Variants in PLXNA4 observed in about 807,000 individuals in gnomAD.
The protein encoded by PLXNA4 is plexin-A4.
In PLXNA4, 44 loss-of-function variants were observed where a neutral mutation model predicts 191.8. The observed-to-expected ratio is 0.23, with a 90% CI of 0.18 to 0.29. The LOEUF (loss-of-function observed/expected upper bound fraction) is 0.29, where lower values mean the gene tolerates loss of function less well. Among genes scored for constraint, PLXNA4 ranks in the 10% least tolerant of loss-of-function variants. The pLI, the probability that PLXNA4 is intolerant of heterozygous loss-of-function variation, is 1.00. For synonymous variants in PLXNA4, 1,082 were observed against 1,009.5 expected, an observed-to-expected ratio of 1.07 and a Z score of -1.36; for missense variants, 1,800 against 2,488.8, an observed-to-expected ratio of 0.72 and a Z score of 5.89.
Position 132,292,366 on chromosome 7 carries a change from A to AGCC in PLXNA4, c.1503+5722_1503+5724dup, listed in dbSNP as rs749385339. Among the ~76,000 whole-genome samples the AGCC allele has an allele frequency of 1.6e-4, 24 of 152,316 alleles. No homozygotes were observed. In the South Asian group the frequency reaches 3.3e-3, roughly 21 times the overall value. On this transcript the variant is annotated intron_variant, in intron 4 of 31. Coordinates refer to ENST00000321063, the MANE Select transcript of PLXNA4 (RefSeq NM_020911.2). Reference sequence around the variant, plus strand: ...TGAAAGAGTGTTTAGAAGAGAGAGCAGCCCCTGCCCACCAAATGGTAAAGA... The same window carrying AGCC: ...TGAAAGAGTGTTTAGAAGAGAGAGCAGCCGCCCCTGCCCACCAAATGGTAAAGA...
intron 4 of PLXNA4, among the ~76,000 whole-genome samples, chr7:132,269,747 T>C (rs988141634): frequency 2.0e-5 from 3 of 152,152 alleles, no homozygotes; most frequent in Non-Finnish European, 4.4e-5. Context: ...TTTCTGGGAA[T>C]GTGGCTTCAT....
rs1585269267 is a variant in PLXNA4, at chr7:132,522,629, A to G, written c.-86-13850T>C. 2.6e-5 allele frequency among the ~76,000 whole-genome samples: 4 copies of G among 152,292 alleles called. No homozygotes were observed. The South Asian group carries it at 8.3e-4, about 32-fold the overall frequency. On this transcript the variant is annotated intron_variant, in intron 1 of 31. Transcript: ENST00000321063. ...TCTACAAAAAATACAAAAATTAGCC[A>G]GGCATGGTGGCACATACCTGCATTT...
chr7:132,437,947 A>T (rs1191340370), intron 3 of PLXNA4, among the ~76,000 whole-genome samples: 1 of 152,170 alleles, frequency 6.6e-6, no homozygotes, highest in East Asian at 1.9e-4. Context: ...TTGAGCCAAG[A>T]TTACGCCCAT....
chr7:132,278,549 C>A (rs193134485), intron 4 of PLXNA4, among the ~76,000 whole-genome samples: 2 of 152,298 alleles, frequency 1.3e-5, no homozygotes, highest in African/African-American at 2.4e-5. Flanking sequence ...TCAGTCAATG[C>A]CAACTAGTTA....
chr7:132,538,202 T>C (rs1472899826), intron 1 of PLXNA4, among the ~76,000 whole-genome samples: 1 of 152,160 alleles, frequency 6.6e-6, no homozygotes, highest in Non-Finnish European at 1.5e-5. Context: ...CTTCCTCTCA[T>C]GAGCCCAGAG....
chr7:132,484,697 T>C, intron 3 of PLXNA4: 1 of 1,472,162 alleles, frequency 6.8e-7, no homozygotes, highest in South Asian at 1.3e-5. Flanking sequence ...TCCTAGTCTA[T>C]TTGGTGTTCC....
upstream of PLXNA4, among the ~76,000 whole-genome samples, chr7:132,577,532 G>C (rs1802306558): frequency 6.6e-6 from 1 of 151,864 alleles, no homozygotes; most frequent in Non-Finnish European, 1.5e-5. Context: ...GCCGGCAGAG[G>C]GGGCAGGGGG....
At chr7:132,130,800 GCA>G (rs1390439768) in intron 31 of PLXNA4, among the ~76,000 whole-genome samples, 2 of 152,192 alleles carry the variant, frequency 1.3e-5, no homozygotes, top group Middle Eastern at 3.2e-3. Flanking sequence ...CAGGATGCCA[GCA>G]CACACAGTCA....
intron 3 of PLXNA4, among the ~76,000 whole-genome samples, chr7:132,355,454 G>A (rs754326880): frequency 6.6e-6 from 1 of 152,208 alleles, no homozygotes; most frequent in Non-Finnish European, 1.5e-5. Context: ...GCTGAAAGGG[G>A]TGAGCCCCAC....
intron 3 of PLXNA4, among the ~76,000 whole-genome samples, chr7:132,345,081 C>T (rs535251533): frequency 6.6e-6 from 1 of 152,270 alleles, no homozygotes; most frequent in Non-Finnish European, 1.5e-5. Flanking sequence ...GATCATAGAT[C>T]TTTAGTTCTT....
At chr7:132,350,884 C>T (rs367658145) in intron 3 of PLXNA4, among the ~76,000 whole-genome samples, 20 of 152,186 alleles carry the variant, frequency 1.3e-4, no homozygotes, top group African/African-American at 3.4e-4. Flanking sequence ...GGAAACAATG[C>T]AAAAGTCCAT....
intron 25 of PLXNA4, among the ~76,000 whole-genome samples, chr7:132,154,639 A>T (rs773948227): frequency 6.6e-6 from 1 of 152,194 alleles, no homozygotes; most frequent in African/African-American, 2.4e-5. Flanking sequence ...GCTAGAACTT[A>T]GTAGATATTC....
At chr7:132,210,617 C>G (rs1797765762) in intron 10 of PLXNA4, among the ~76,000 whole-genome samples, 1 of 152,184 alleles carries the variant, frequency 6.6e-6, no homozygotes, top group Non-Finnish European at 1.5e-5. Flanking sequence ...ATGAAGGTAC[C>G]TGGAGCCCAG....
intron 4 of PLXNA4, among the ~76,000 whole-genome samples, chr7:132,264,566 G>A (rs1799773348): frequency 2.0e-5 from 3 of 152,166 alleles, no homozygotes; most frequent in South Asian, 2.1e-4. Flanking sequence ...TACACAGGGC[G>A]AGCTGGGTTT....
At chr7:132,270,513 A>G (rs1188702980) in intron 4 of PLXNA4, among the ~76,000 whole-genome samples, 1 of 152,210 alleles carries the variant, frequency 6.6e-6, no homozygotes, top group Non-Finnish European at 1.5e-5. Context: ...GATAGACTTG[A>G]CAACCACTTA....
chr7:132,172,781 T>TAAC (rs1290346387), intron 21 of PLXNA4, among the ~76,000 whole-genome samples: 1 of 150,052 alleles, frequency 6.7e-6, no homozygotes, highest in Admixed American at 6.6e-5. Context: ...ATAATAATAA[T>TAAC]AAAGTTACAT....
rs548779994 is a variant in PLXNA4 at position 132,277,778 on chromosome 7, T to C, written c.1503+20313A>G. ...TAGCAGGGCAGGAGAAACCACACTGTTTTCTAAGAAAGGCCAGATAGCATA... is the reference window on the plus strand; with the variant it reads ...TAGCAGGGCAGGAGAAACCACACTGCTTTCTAAGAAAGGCCAGATAGCATA... On this transcript the variant is annotated intron_variant, in intron 4 of 31. Transcript: ENST00000321063. Among the ~76,000 whole-genome samples the C allele has an allele frequency of 2.6e-5, 4 of 152,266 alleles. No homozygotes were observed. The South Asian group carries it at 8.3e-4, about 32-fold the overall frequency.
intron 3 of PLXNA4, among the ~76,000 whole-genome samples, chr7:132,418,235 G>T (rs1429652586): frequency 6.6e-6 from 1 of 152,118 alleles, no homozygotes; most frequent in South Asian, 2.1e-4. Flanking sequence ...ACTCAGGAAA[G>T]GTTCTCCTCT....
intron 2 of PLXNA4, among the ~76,000 whole-genome samples, chr7:132,626,643 C>T (rs1803380460): frequency 6.6e-6 from 1 of 152,194 alleles, no homozygotes. Flanking sequence ...TGTAAAAGCT[C>T]CCTGAGCCCT....
Sources: allele counts gnomAD v4.1 joint callset (sites outside exome capture counted in the v4.1 genomes callset), GRCh38; gene constraint gnomAD v4.1.1; transcripts MANE v1.5; gene names NCBI Gene and HGNC (gene_info 2026-07-23, HGNC 2026-07-21).